Variants in TRDN observed in about 807,000 individuals in gnomAD.
TRDN encodes triadin, also known as triadin in skeletal muscle.
Under a neutral mutation model 149.7 loss-of-function variants are expected in TRDN, and 161 were observed. The observed-to-expected ratio is 1.08, with a 90% CI of 0.95 to 1.23. The LOEUF is 1.23. Among genes scored for constraint, TRDN ranks in the 50% most tolerant of loss-of-function variants. TRDN has a pLI of 0.00. For missense variants in TRDN, 896 were observed against 823.5 expected, an observed-to-expected ratio of 1.09 and a Z score of -1.08; for synonymous variants, 294 against 250.5, an observed-to-expected ratio of 1.17 and a Z score of -1.64.
At position 123,438,051 on chromosome 6, in the gene TRDN, A is replaced by G. The variant is rs1332056716; in HGVS notation, c.1051+12T>C. 6.3e-7 allele frequency: 1 copy of G among 1,596,916 alleles called. No individual in the cohort carries two copies. Among genetic ancestry groups the G allele is most frequent in the Non-Finnish European group, 8.5e-7 (1 of 1,170,954 alleles). On this transcript the variant is annotated intron_variant, in intron 12 of 40. Transcript: ENST00000334268. ...ACGTAATCCATCTAAGGAAACAAAG[A>G]AAGTGCAATACCTTTTTTTTCCACA...
chr6:123,542,514 A>G (rs1209808922), intron 4 of TRDN, among the ~76,000 whole-genome samples: 1 of 152,200 alleles, frequency 6.6e-6, no homozygotes, highest in Non-Finnish European at 1.5e-5. Flanking sequence ...GCCTATTATT[A>G]TCTTCTAAAA....
chr6:123,316,434 T>C, intron 24 of TRDN, 23 bp downstream of exon 24: 6 of 1,606,844 alleles, frequency 3.7e-6, no homozygotes, highest in African/African-American at 1.3e-5. Context: ...TCCTTGTATG[T>C]AAATCTTACA....
chr6:123,472,484 AG>A (rs1332108878), intron 9 of TRDN, among the ~76,000 whole-genome samples: 1 of 152,220 alleles, frequency 6.6e-6, no homozygotes, highest in Non-Finnish European at 1.5e-5. Context: ...TCAAACTGTA[AG>A]GCGGCAGCAA....
At chr6:123,265,268 T>C in intron 33 of TRDN, 50 bp downstream of exon 33, 1 of 1,329,928 alleles carries the variant, frequency 7.5e-7, no homozygotes, top group Non-Finnish European at 1.0e-6. Flanking sequence ...AATTGTGAAA[T>C]TAAAACAATG....
rs1167418048 is a variant in TRDN at position 123,478,106 on chromosome 6, A to G, written c.854-13123T>C. ...CACCAAAAAAAAAAAAACCTAATAT[A>G]AGATTAAATTTTTTACCTCCATTTT... On this transcript the variant is annotated intron_variant, in intron 9 of 40. Transcript: ENST00000334268. Among the ~76,000 whole-genome samples the G allele has an allele frequency of 3.3e-5, 5 of 152,158 alleles. No homozygotes were observed. In the East Asian group the frequency reaches 9.7e-4, roughly 29 times the overall value.
intron 9 of TRDN, among the ~76,000 whole-genome samples, chr6:123,492,994 A>G (rs1167254273): frequency 1.3e-5 from 2 of 152,110 alleles, no homozygotes; most frequent in African/African-American, 4.8e-5. Flanking sequence ...ATTAAAACAC[A>G]TCCTGTATAA....
intron 24 of TRDN, among the ~76,000 whole-genome samples, chr6:123,281,624 CA>C (rs1280735890): frequency 6.6e-6 from 1 of 152,004 alleles, no homozygotes; most frequent in Non-Finnish European, 1.5e-5. Context: ...CCCTAAAATA[CA>C]CATACAATTG....
At chr6:123,475,364 G>C (rs1244327579) in intron 9 of TRDN, among the ~76,000 whole-genome samples, 1 of 145,226 alleles carries the variant, frequency 6.9e-6, no homozygotes, top group Non-Finnish European at 1.5e-5. Flanking sequence ...CCAGGAAGAA[G>C]TTGAATCTCT....
chr6:123,352,615 G>C (rs943340982), intron 20 of TRDN, 29 bp from the exon 21 acceptor site: 51 of 1,600,692 alleles, frequency 3.2e-5, no homozygotes, highest in Non-Finnish European at 4.3e-5. Context: ...GTTTAAAGAA[G>C]AGTTCCAGAC....
At chr6:123,301,355 C>T (rs1451044587) in intron 24 of TRDN, among the ~76,000 whole-genome samples, 1 of 151,782 alleles carries the variant, frequency 6.6e-6, no homozygotes, top group East Asian at 1.9e-4. Context: ...CTTTCACGTC[C>T]TTGAAATCAA....
At position 123,327,081 on chromosome 6, in the gene TRDN, G is replaced by T. The variant is rs953977545; in HGVS notation, c.1471+4798C>A. The stretch of plus-strand genomic sequence containing the variant: ...GAAGATGTCTTAAATTTCTTTTTGC[G>T]CAAATATGAGAGCGGAATTTAAATT... On this transcript the variant is annotated intron_variant, in intron 23 of 40. Coordinates refer to ENST00000334268, the MANE Select transcript of TRDN (RefSeq NM_006073.4). 4.0e-5 allele frequency among the ~76,000 whole-genome samples: 6 copies of T among 151,888 alleles called. No individual in the cohort carries two copies. In the South Asian group the frequency reaches 1.0e-3, roughly 26 times the overall value.
chr6:123,352,434 A>G, intron 21 of TRDN, 105 bp downstream of exon 21: 2 of 1,507,394 alleles, frequency 1.3e-6, no homozygotes, highest in Non-Finnish European at 1.8e-6. Context: ...AAAGAGTAAT[A>G]GACTTAAAGG....
rs1776512788 is a variant in TRDN at position 123,255,137 on chromosome 6, G to GA, written c.1907-13dup. ...TTTTCTTGTTGAGACTGTTAATAAGGAAAATGTAAATTAAAATATAAATTT... is the reference window on the plus strand; with the variant it reads ...TTTTCTTGTTGAGACTGTTAATAAGGAAAAATGTAAATTAAAATATAAATTT... On this transcript the variant is annotated splice_polypyrimidine_tract_variant and intron_variant, in intron 36 of 40. Coordinates refer to ENST00000334268, the MANE Select transcript of TRDN (RefSeq NM_006073.4). The GA allele has an allele frequency of 2.5e-6, 3 of 1,194,858 alleles. No individual in the cohort carries two copies. The highest frequency in any genetic ancestry group is 3.4e-6 in the Non-Finnish European group (3 of 873,444). The allele number at this position is 1,194,858 out of a possible 1,614,324, so 74.0% of individuals were successfully genotyped here.
chr6:123,277,120 A>G (rs911724183), intron 26 of TRDN, among the ~76,000 whole-genome samples: 2 of 152,100 alleles, frequency 1.3e-5, no homozygotes, highest in Non-Finnish European at 2.9e-5. Flanking sequence ...TTATTTTGGG[A>G]GTAAATAATT....
At chr6:123,319,913 G>A (rs1779180138) in intron 23 of TRDN, among the ~76,000 whole-genome samples, 2 of 152,060 alleles carry the variant, frequency 1.3e-5, no homozygotes, top group Non-Finnish European at 2.9e-5. Context: ...CATCAATAGT[G>A]TTTTCAAGTA....
At chr6:123,552,581 A>G (rs984886058) in intron 2 of TRDN, among the ~76,000 whole-genome samples, 4 of 152,182 alleles carry the variant, frequency 2.6e-5, no homozygotes, top group Admixed American at 1.3e-4. Context: ...TGTGCCAACT[A>G]TATTGAAACA....
intron 38 of TRDN, among the ~76,000 whole-genome samples, chr6:123,249,066 T>C (rs1411481299): frequency 6.6e-6 from 1 of 152,062 alleles, no homozygotes; most frequent in Non-Finnish European, 1.5e-5. Context: ...GCTCAACATG[T>C]GCAAATCAAT....
rs75759685 is a variant in TRDN, at chr6:123,370,395, T to C, written c.1274-4213A>G. On this transcript the variant is annotated intron_variant, in intron 19 of 40. Coordinates refer to ENST00000334268, the MANE Select transcript of TRDN (RefSeq NM_006073.4). ...ATTTAATTTGTGTGATTTTTTGAGA[T>C]ATAACTATGTTGATATGAGTAGCTG... Among the ~76,000 whole-genome samples, 463 of 152,306 alleles carry C rather than the reference T, an allele frequency of 3.0e-3. 12 individuals are homozygous for C. In the East Asian group the frequency reaches 0.075, roughly 25 times the overall value.
At chr6:123,254,865 A>C (rs966256310) in intron 37 of TRDN, 1 of 426,614 alleles carries the variant, frequency 2.3e-6, no homozygotes, top group Non-Finnish European at 4.4e-6. Context: ...TGTTCATGTT[A>C]ATGTTGCTAA....
Sources: allele counts gnomAD v4.1 joint callset (sites outside exome capture counted in the v4.1 genomes callset), GRCh38; gene constraint gnomAD v4.1.1; transcripts MANE v1.5; gene names NCBI Gene and HGNC (gene_info 2026-07-23, HGNC 2026-07-21).